Variants in PTPRD observed in about 807,000 individuals in gnomAD.
PTPRD encodes the protein receptor-type tyrosine-protein phosphatase delta.
Under a neutral mutation model 214.5 loss-of-function variants are expected in PTPRD, and 34 were observed. That is an observed-to-expected ratio of 0.16 (90% CI 0.12 to 0.21). The LOEUF (loss-of-function observed/expected upper bound fraction) is 0.21, where lower values mean the gene tolerates loss of function less well. PTPRD is among the 10% of genes least tolerant of loss of function. PTPRD has a pLI of 1.00. For synonymous variants in PTPRD, 1,128 were observed against 845.7 expected, an observed-to-expected ratio of 1.33 and a Z score of -5.79; for missense variants, 2,545 against 2,398.7, an observed-to-expected ratio of 1.06 and a Z score of -1.27.
chr9:9,669,475 T>G (rs1408150950), intron 7 of PTPRD, among the ~76,000 whole-genome samples: 2 of 152,136 alleles, frequency 1.3e-5, no homozygotes, highest in Non-Finnish European at 2.9e-5. Flanking sequence ...TGTGAGTGCT[T>G]TAGAAGGAAT....
intron 11 of PTPRD, among the ~76,000 whole-genome samples, chr9:8,839,272 A>G (rs2097506684): frequency 6.6e-6 from 1 of 152,096 alleles, no homozygotes; most frequent in Admixed American, 6.5e-5. Flanking sequence ...CAAAACCTAG[A>G]TGATAATTTT....
intron 12 of PTPRD, among the ~76,000 whole-genome samples, chr9:8,695,469 C>T (rs1388726422): frequency 1.3e-5 from 2 of 151,516 alleles, no homozygotes; most frequent in Non-Finnish European, 2.9e-5. Context: ...ATGTTATAGG[C>T]AAGCAAGAAG....
chr9:9,508,928 A>G lies in PTPRD; in HGVS notation c.-237+65804T>C, dbSNP rs2096633810. 2.0e-5 allele frequency among the ~76,000 whole-genome samples: 3 copies of G among 151,668 alleles called. No individual in the cohort carries two copies. In the South Asian group the frequency reaches 6.2e-4, roughly 31 times the overall value. On this transcript the variant is annotated intron_variant, in intron 8 of 45. Coordinates refer to ENST00000381196, the MANE Select transcript of PTPRD (RefSeq NM_002839.4). ...TCTGTATATCACCCTTGCATTTACC[A>G]TATATATATTAATTACATGTTACTG...
At chr9:9,123,369 T>C (rs980962590) in intron 10 of PTPRD, among the ~76,000 whole-genome samples, 1 of 152,150 alleles carries the variant, frequency 6.6e-6, no homozygotes, top group Non-Finnish European at 1.5e-5. Flanking sequence ...TTAGGCATGA[T>C]ATAAAAAGAG....
chr9:9,442,889 T>C (rs2088715869), intron 8 of PTPRD, among the ~76,000 whole-genome samples: 1 of 152,170 alleles, frequency 6.6e-6, no homozygotes, highest in Non-Finnish European at 1.5e-5. Context: ...ATTTGAGCCA[T>C]TGTGGTGTGC....
At chr9:9,128,515 G>A (rs1426621089) in intron 10 of PTPRD, among the ~76,000 whole-genome samples, 2 of 152,140 alleles carry the variant, frequency 1.3e-5, no homozygotes, top group Admixed American at 1.3e-4. Flanking sequence ...TTATTTTGTG[G>A]CTAAATGATA....
intron 15 of PTPRD, 142 bp from the exon 16 acceptor site, chr9:8,527,495 A>T (rs2074499680): frequency 4.0e-6 from 3 of 759,488 alleles, no homozygotes; most frequent in Admixed American, 5.2e-5. Flanking sequence ...CTTCATTTAC[A>T]ATAACAGAAT....
At chr9:10,212,476 T>C (rs1247042280) in intron 3 of PTPRD, among the ~76,000 whole-genome samples, 1 of 152,128 alleles carries the variant, frequency 6.6e-6, no homozygotes, top group Non-Finnish European at 1.5e-5. Flanking sequence ...TTTCAATTGA[T>C]TGCATTATTC....
chr9:8,938,863 C>A (rs370266170), intron 11 of PTPRD, among the ~76,000 whole-genome samples: 1 of 152,098 alleles, frequency 6.6e-6, no homozygotes, highest in East Asian at 1.9e-4. Context: ...TTAATTAAGA[C>A]AAGTTCAAAT....
chr9:9,297,872 T>C (rs1234139643), intron 9 of PTPRD, among the ~76,000 whole-genome samples: 1 of 151,668 alleles, frequency 6.6e-6, no homozygotes, highest in Admixed American at 6.6e-5. Flanking sequence ...ATCTACTGTT[T>C]TAATACTTTA....
intron 3 of PTPRD, among the ~76,000 whole-genome samples, chr9:10,235,938 G>T (rs1352468601): frequency 6.6e-6 from 1 of 151,868 alleles, no homozygotes; most frequent in Middle Eastern, 3.2e-3. Flanking sequence ...GAACCTCAGG[G>T]TCTATAGTTA....
In PTPRD at chr9:9,652,860, T is replaced by G. The variant is rs1052607850; in HGVS notation, c.-286-78079A>C. On this transcript the variant is annotated intron_variant, in intron 7 of 45. Coordinates refer to ENST00000381196, the MANE Select transcript of PTPRD (RefSeq NM_002839.4). ...AACTCCTGACCTCAGGTGATCCACCTGCCTCAGCCTTTGAAAGTGCTGGGA... is the reference window on the plus strand; with the variant it reads ...AACTCCTGACCTCAGGTGATCCACCGGCCTCAGCCTTTGAAAGTGCTGGGA... 2.6e-5 allele frequency among the ~76,000 whole-genome samples: 4 copies of G among 152,188 alleles called. No homozygotes were observed. In the South Asian group the frequency reaches 8.3e-4, roughly 32 times the overall value.
chr9:9,479,234 A>G (rs1479371979), intron 8 of PTPRD, among the ~76,000 whole-genome samples: 2 of 40,952 alleles, frequency 4.9e-5, no homozygotes, highest in Non-Finnish European at 9.5e-5. Flanking sequence ...CCCCCCACAC[A>G]CACACCCACC....
At chr9:10,590,213 T>C (rs1052304068) in intron 2 of PTPRD, among the ~76,000 whole-genome samples, 1 of 152,024 alleles carries the variant, frequency 6.6e-6, no homozygotes, top group Non-Finnish European at 1.5e-5. Flanking sequence ...TGAAATTAAG[T>C]CTATAATATT....
At chr9:9,979,079 A>C (rs1279886867) in intron 4 of PTPRD, among the ~76,000 whole-genome samples, 4 of 152,098 alleles carry the variant, frequency 2.6e-5, no homozygotes, top group Non-Finnish European at 5.9e-5. Context: ...TAGTTTTCAG[A>C]CAAAACTAAA....
chr9:8,691,238 G>T (rs554556832), intron 12 of PTPRD, among the ~76,000 whole-genome samples: 386 of 152,096 alleles, frequency 2.5e-3, no homozygotes, highest in Middle Eastern at 6.8e-3. Flanking sequence ...AAAAAGAAAT[G>T]ACATTTTGAT....
At chr9:10,494,440 G>C (rs1336001) in intron 2 of PTPRD, among the ~76,000 whole-genome samples, 38,255 of 151,290 alleles carry the variant, frequency 0.25, 5,143 homozygotes, top group Middle Eastern at 0.41. Context: ...AACAGTATTG[G>C]CCTCATATTG....
chr9:9,420,274 C>T (rs183774530), intron 8 of PTPRD, among the ~76,000 whole-genome samples: 1 of 151,828 alleles, frequency 6.6e-6, no homozygotes, highest in Non-Finnish European at 1.5e-5. Flanking sequence ...TTTTAGTTTT[C>T]ACAAGATTAG....
intron 5 of PTPRD, among the ~76,000 whole-genome samples, chr9:9,778,273 G>C (rs13286350): frequency 3.5e-4 from 54 of 152,200 alleles, no homozygotes; most frequent in Admixed American, 1.3e-4. Context: ...GGTGAGTGCA[G>C]GAACTAAGGG....
Sources: gnomAD v4.1 joint callset for allele counts (sites outside exome capture counted in the v4.1 genomes callset) on GRCh38, gnomAD v4.1.1 for gene constraint, MANE v1.5 for transcripts, NCBI Gene and HGNC (gene_info 2026-07-23, HGNC 2026-07-21) for gene names.